Variants in TRIP4 observed in about 807,000 individuals in gnomAD.
TRIP4 encodes the protein activating signal cointegrator 1.
In TRIP4, 54 loss-of-function variants were observed where a neutral mutation model predicts 81.8. The ratio of observed to expected loss-of-function variants is 0.66; its 90% CI spans 0.53 to 0.83. The LOEUF (loss-of-function observed/expected upper bound fraction) is 0.83, where lower values mean the gene tolerates loss of function less well. Ranked by LOEUF, TRIP4 falls within the 40% of genes least tolerant of loss-of-function variation. TRIP4 has a pLI of 0.00. For synonymous variants in TRIP4, 270 were observed against 242.8 expected (o/e 1.11, Z -1.04); for missense variants, 662 against 683.6 (o/e 0.97, Z 0.35).
chr15:64,444,019 A>G (rs1892572569), intron 11 of TRIP4, among the ~76,000 whole-genome samples: 1 of 152,122 alleles, frequency 6.6e-6, no homozygotes, highest in Non-Finnish European at 1.5e-5. Flanking sequence ...TTAACTATTC[A>G]TGCTTCTAGT....
chr15:64,390,412 T>C (rs1566970267), intron 1 of TRIP4, among the ~76,000 whole-genome samples: 1 of 150,370 alleles, frequency 6.7e-6, no homozygotes, highest in African/African-American at 2.4e-5. Flanking sequence ...AGTGAGCTGA[T>C]ACCGCACCAC....
intron 11 of TRIP4, among the ~76,000 whole-genome samples, chr15:64,434,224 A>T (rs1892339793): frequency 6.6e-6 from 1 of 151,462 alleles, no homozygotes; most frequent in Admixed American, 6.6e-5. Flanking sequence ...ACATGGAAAA[A>T]CCCCGTCTCT....
At chr15:64,442,224 G>A (rs965481605) in intron 11 of TRIP4, among the ~76,000 whole-genome samples, 9 of 152,054 alleles carry the variant, frequency 5.9e-5, no homozygotes, top group African/African-American at 1.9e-4. Context: ...TAGTTCTGGC[G>A]GCTGTGTTGA....
At position 64,424,106 on chromosome 15, in the gene TRIP4, T is replaced by G. The variant is rs771357884; in HGVS notation, c.1434T>G (p.Pro478=). ...WIAATAKKPS[P]QEVSELQATY... ...CAGCCACAGCTAAAAAACCCTCCCC[T>G]CAAGAAGTCTCAGAACTCCAGGCTA... is the stretch of plus-strand genomic sequence containing the variant. Residue 478 remains proline, a synonymous_variant, in exon 10 of 13, where the codon CCT becomes CCG. Transcript: ENST00000261884. The G allele has an allele frequency of 6.2e-7, 1 of 1,614,162 alleles. No homozygotes were observed.
At chr15:64,418,913 A>G (rs1891946472) in intron 9 of TRIP4, among the ~76,000 whole-genome samples, 185 bp downstream of exon 9, 1 of 152,210 alleles carries the variant, frequency 6.6e-6, no homozygotes, top group African/African-American at 2.4e-5. Context: ...AATTAATTTC[A>G]AAACATTTAA....
intron 1 of TRIP4, among the ~76,000 whole-genome samples, chr15:64,391,709 C>T (rs1900135594): frequency 6.6e-6 from 1 of 151,892 alleles, no homozygotes; most frequent in Non-Finnish European, 1.5e-5. Context: ...AGTGGCTCAA[C>T]CTGTAATCCC....
chr15:64,445,290 C>CT (rs1002601387), intron 12 of TRIP4, 182 bp downstream of exon 12: 502 of 388,356 alleles, frequency 1.3e-3, no homozygotes, highest in Middle Eastern at 2.0e-3. Context: ...CTTTTCTTTT[C>CT]TTTTTTTTTG....
intron 1 of TRIP4, among the ~76,000 whole-genome samples, chr15:64,388,582 T>A (rs1317619933): frequency 6.6e-6 from 1 of 152,196 alleles, no homozygotes; most frequent in Non-Finnish European, 1.5e-5. Flanking sequence ...GTGCTGGGAT[T>A]ACAGGCATGA....
chr15:64,436,656 C>A (rs1398278623), intron 11 of TRIP4, among the ~76,000 whole-genome samples: 15 of 144,614 alleles, frequency 1.0e-4, no homozygotes, highest in African/African-American at 3.8e-4. Flanking sequence ...TCCTCCCTAA[C>A]AGGATTAATT....
intron 12 of TRIP4, among the ~76,000 whole-genome samples, chr15:64,450,411 AAAAG>A (rs1253573378): frequency 6.7e-5 from 10 of 150,044 alleles, no homozygotes; most frequent in Non-Finnish European, 8.9e-5. Flanking sequence ...AAAAAAAAAA[AAAAG>A]AAAGAAAGGA....
intron 10 of TRIP4, among the ~76,000 whole-genome samples, chr15:64,425,305 G>A (rs888902628): frequency 1.3e-5 from 2 of 152,066 alleles, no homozygotes; most frequent in African/African-American, 4.8e-5. Context: ...TGGTATGAGG[G>A]CAAAGGAAAA....
intron 6 of TRIP4, among the ~76,000 whole-genome samples, chr15:64,407,293 A>G (rs186555576): frequency 1.3e-5 from 2 of 152,270 alleles, no homozygotes; most frequent in African/African-American, 2.4e-5. Flanking sequence ...AAATAAACCC[A>G]TCACAAGGTG....
At chr15:64,409,005 G>T (rs1891698737) in intron 6 of TRIP4, among the ~76,000 whole-genome samples, 1 of 151,978 alleles carries the variant, frequency 6.6e-6, no homozygotes, top group Non-Finnish European at 1.5e-5. Flanking sequence ...ACGAGGTCAG[G>T]AGTTCAAGAC....
intron 10 of TRIP4, among the ~76,000 whole-genome samples, chr15:64,424,872 T>A (rs887625632): frequency 2.6e-5 from 4 of 152,124 alleles, no homozygotes; most frequent in African/African-American, 9.7e-5. Context: ...GCCTTCCAGG[T>A]TCAAGTGATT....
At chr15:64,422,367 T>G (rs1566979150) in intron 9 of TRIP4, among the ~76,000 whole-genome samples, 1 of 152,186 alleles carries the variant, frequency 6.6e-6, no homozygotes, top group African/African-American at 2.4e-5. Flanking sequence ...AGCAAATGAT[T>G]ATCAGCATTT....
Position 64,387,923 on chromosome 15 carries a change from G to T in TRIP4, c.60G>T (p.Leu20Phe). Residue 20 changes from leucine (L) to phenylalanine (F), a missense_variant, in exon 1 of 13, where the codon TTG becomes TTT. Coordinates refer to ENST00000261884, the MANE Select transcript of TRIP4 (RefSeq NM_016213.5). ...TGGTGCACTGGTGCACCCAGCAGTT[G>T]CGGAAGACTTTCGGCCTGGATGTCA... The part of the protein sequence containing the change: ...EPLVHWCTQQ[L>F]RKTFGLDVSE... The T allele has an allele frequency of 5.2e-6, 8 of 1,551,208 alleles. No homozygotes were observed. Among genetic ancestry groups the T allele is most frequent in the Non-Finnish European group, 6.1e-6 (7 of 1,147,162 alleles).
intron 11 of TRIP4, among the ~76,000 whole-genome samples, chr15:64,432,678 A>G (rs906313826): frequency 2.0e-5 from 3 of 151,836 alleles, no homozygotes; most frequent in African/African-American, 7.3e-5. Flanking sequence ...TTGGGAGGCC[A>G]AGATGGGCGG....
chr15:64,455,109 T>G lies in TRIP4; in HGVS notation c.*45T>G, dbSNP rs1476410652. ...TACAGCATAGTGGAGTTTTGTGTAC[T>G]AAAATTGCTATCTACTGGTCCTTTG... On this transcript the variant is annotated 3_prime_UTR_variant, in exon 13 of 13. Transcript: ENST00000261884. 1 of 1,568,516 alleles carries G rather than the reference T, an allele frequency of 6.4e-7. No homozygotes were observed. Among genetic ancestry groups the G allele is most frequent in the South Asian group, 1.1e-5 (1 of 87,800 alleles).
intron 9 of TRIP4, among the ~76,000 whole-genome samples, chr15:64,421,551 G>A (rs1007989458): frequency 1.3e-5 from 2 of 151,532 alleles, no homozygotes; most frequent in African/African-American, 4.8e-5. Context: ...GGCCAGGCTG[G>A]TCTCAAACTC....
Sources: allele counts gnomAD v4.1 joint callset (sites outside exome capture counted in the v4.1 genomes callset), GRCh38; gene constraint gnomAD v4.1.1; transcripts MANE v1.5; gene names NCBI Gene and HGNC (gene_info 2026-07-23, HGNC 2026-07-21).